The following CDKL4 variants were observed in gnomAD, a reference collection of about 807,000 sequenced individuals.
CDKL4 encodes the protein cyclin dependent kinase like 4.
In CDKL4, 44 loss-of-function variants were observed where a neutral mutation model predicts 42.0. The ratio of observed to expected loss-of-function variants is 1.05; its 90% CI spans 0.82 to 1.35. The LOEUF is 1.35. CDKL4 is among the 40% of genes most tolerant of loss of function. The pLI, the probability that CDKL4 is intolerant of heterozygous loss-of-function variation, is 0.00. For missense variants in CDKL4, 393 were observed against 369.9 expected, an observed-to-expected ratio of 1.06 and a Z score of -0.51; for synonymous variants, 120 against 121.6, an observed-to-expected ratio of 0.99 and a Z score of 0.09.
intron 5 of CDKL4, among the ~76,000 whole-genome samples, chr2:39,201,161 T>C (rs887819491): frequency 6.6e-5 from 10 of 151,778 alleles, no homozygotes; most frequent in African/African-American, 1.9e-4. Context: ...AGGACATGAA[T>C]AGACATTCTC....
At chr2:39,179,090 A>T (rs1675292246) in intron 9 of CDKL4, 97 bp downstream of exon 9, 2 of 1,527,226 alleles carry the variant, frequency 1.3e-6, no homozygotes, top group Non-Finnish European at 1.7e-6. Context: ...TACAAATGAA[A>T]GGTCTTGGTG....
At chr2:39,180,604 C>T (rs924942839) in intron 8 of CDKL4, among the ~76,000 whole-genome samples, 1 of 152,178 alleles carries the variant, frequency 6.6e-6, no homozygotes, top group African/African-American at 2.4e-5. Flanking sequence ...ATGACCCATG[C>T]CATATATCAA....
rs78774574 is a variant in CDKL4 at position 39,235,301 on chromosome 2, T to C, written c.-56-5713A>G. 8.6e-3 allele frequency among the ~76,000 whole-genome samples: 1,316 copies of C among 152,238 alleles called. 23 individuals are homozygous for C. Among genetic ancestry groups the C allele is most frequent in the African/African-American group, 0.03 (1,228 of 41,540 alleles). On this transcript the variant is annotated intron_variant, in intron 1 of 9. Coordinates refer to ENST00000451199, the Ensembl canonical transcript of CDKL4. ...AAAATTTCAGCAAAAGGATTTATGG[T>C]GAGCATTTAATATACTTAAAGATCA...
chr2:39,232,285 G>T (rs753526204), intron 1 of CDKL4, among the ~76,000 whole-genome samples: 1 of 152,106 alleles, frequency 6.6e-6, no homozygotes, highest in Non-Finnish European at 1.5e-5. Flanking sequence ...TGGAAAATGA[G>T]TCTGAGTATG....
chr2:39,202,163 T>C (rs1572975209), intron 5 of CDKL4, among the ~76,000 whole-genome samples: 1 of 151,128 alleles, frequency 6.6e-6, no homozygotes, highest in East Asian at 2.0e-4. Flanking sequence ...ACCCAGGAAG[T>C]GGAGTTTGCG....
intron 8 of CDKL4, 46 bp from the exon 9 acceptor site, chr2:39,179,367 A>G: frequency 6.8e-7 from 1 of 1,464,424 alleles, no homozygotes; most frequent in East Asian, 2.4e-5. Context: ...GGAGGGGCTC[A>G]TTTTGTTACC....
intron 3 of CDKL4, among the ~76,000 whole-genome samples, chr2:39,219,883 G>GA (rs1357353556): frequency 2.0e-5 from 3 of 151,856 alleles, no homozygotes; most frequent in Admixed American, 1.3e-4. Flanking sequence ...AGAAATTAAA[G>GA]AAAAAAAAGC....
At chr2:39,222,764 A>C (rs1173858070) in intron 3 of CDKL4, among the ~76,000 whole-genome samples, 1 of 152,152 alleles carries the variant, frequency 6.6e-6, no homozygotes, top group Non-Finnish European at 1.5e-5. Flanking sequence ...TATGCATTGA[A>C]TGTTTTATAA....
At chr2:39,210,081 G>A (rs1677500684) in intron 4 of CDKL4, among the ~76,000 whole-genome samples, 1 of 152,156 alleles carries the variant, frequency 6.6e-6, no homozygotes, top group African/African-American at 2.4e-5. Context: ...TCTGCCTCTC[G>A]AGTTCAAGTG....
At chr2:39,206,772 G>C (rs1454482784) in intron 4 of CDKL4, among the ~76,000 whole-genome samples, 1 of 152,190 alleles carries the variant, frequency 6.6e-6, no homozygotes, top group Non-Finnish European at 1.5e-5. Context: ...AGAATTAACT[G>C]TCATGAATTA....
intron 7 of CDKL4, 76 bp downstream of exon 7, chr2:39,187,551 A>G: frequency 9.4e-7 from 1 of 1,058,980 alleles, no homozygotes. Context: ...TCTCAAAATA[A>G]ATAAATAAAT....
chr2:39,168,627 T>C, the CDKL4 span, among the ~76,000 whole-genome samples: 4 of 151,252 alleles, frequency 2.6e-5, no homozygotes, highest in African/African-American at 9.7e-5. Flanking sequence ...CTCAGCTACT[T>C]AGTAGGCTGA....
At position 39,190,314 on chromosome 2, in the gene CDKL4, T is replaced by C. The variant is rs1205308097; in HGVS notation, c.643A>G (p.Arg215Gly). Residue 215 changes from arginine to glycine, a missense_variant, in exon 6 of 10, where the codon AGA becomes GGA. Coordinates refer to ENST00000451199, the Ensembl canonical transcript of CDKL4. ...AAAATGCAATTCATACCTAGTGTTC[T>C]GATTATCAGATAAAGTTGGTCCACA... 3.7e-6 allele frequency: 6 copies of C among 1,613,944 alleles called. No individual in the cohort carries two copies. In the African/African-American group the frequency reaches 4.0e-5, roughly 11 times the overall value.
intron 6 of CDKL4, among the ~76,000 whole-genome samples, chr2:39,189,171 T>C (rs1371482622): frequency 6.6e-6 from 1 of 152,246 alleles, no homozygotes; most frequent in Non-Finnish European, 1.5e-5. Flanking sequence ...GCAGCCATGC[T>C]GCCAGGAGAG....
chr2:39,193,283 A>G (rs996606842), intron 5 of CDKL4, among the ~76,000 whole-genome samples: 5 of 151,256 alleles, frequency 3.3e-5, no homozygotes, highest in Non-Finnish European at 5.9e-5. Context: ...AAAAAAAAAA[A>G]AAGAATTATT....
chr2:39,200,284 A>C (rs1676769554), intron 5 of CDKL4, among the ~76,000 whole-genome samples: 1 of 152,174 alleles, frequency 6.6e-6, no homozygotes, highest in South Asian at 2.1e-4. Context: ...TTAACCAAGG[A>C]GGTGAAAGAC....
At chr2:39,209,185 T>C (rs1464518764) in intron 4 of CDKL4, among the ~76,000 whole-genome samples, 1 of 151,510 alleles carries the variant, frequency 6.6e-6, no homozygotes, top group East Asian at 1.9e-4. Flanking sequence ...TGATAGCATG[T>C]GCCATAGTCC....
Position 39,184,587 on chromosome 2 carries a change from G to C in CDKL4, c.792+4C>G, listed in dbSNP as rs1572943829. 1 of 1,604,368 alleles carries C rather than the reference G, an allele frequency of 6.2e-7. No homozygotes were observed. Among genetic ancestry groups the C allele is most frequent in the Admixed American group, 1.7e-5 (1 of 59,858 alleles). The stretch of plus-strand genomic sequence containing the variant: ...AATAAGAGTTATAATTGATTCTTAA[G>C]TACCTTCATGAAGTTCAGAGCCACA... On this transcript the variant is annotated splice_donor_region_variant and intron_variant, in intron 8 of 9. Coordinates refer to ENST00000451199, the Ensembl canonical transcript of CDKL4.
intron 3 of CDKL4, among the ~76,000 whole-genome samples, chr2:39,213,873 G>A (rs2148354840): frequency 6.6e-6 from 1 of 151,982 alleles, no homozygotes; most frequent in Middle Eastern, 3.4e-3. Flanking sequence ...CTCTCTCCCT[G>A]TCTCTCTCTG....
Sources: allele counts gnomAD v4.1 joint callset (sites outside exome capture counted in the v4.1 genomes callset), GRCh38; gene constraint gnomAD v4.1.1; transcripts MANE v1.5; gene names NCBI Gene and HGNC (gene_info 2026-07-23, HGNC 2026-07-21).